Variants in HMGCLL1 observed in about 807,000 individuals in gnomAD.
HMGCLL1 encodes the protein 3-hydroxymethyl-3-methylglutaryl-CoA lyase, cytoplasmic.
A neutral mutation model predicts 39.1 loss-of-function variants in HMGCLL1; 36 were observed. The observed-to-expected ratio is 0.92, with a 90% CI of 0.71 to 1.22. The LOEUF (loss-of-function observed/expected upper bound fraction) is 1.22. Among genes scored for constraint, HMGCLL1 ranks in the 50% most tolerant of loss-of-function variants. HMGCLL1 has a pLI of 0.00. For missense variants in HMGCLL1, 451 were observed against 416.5 expected, an observed-to-expected ratio of 1.08 and a Z score of -0.72; for synonymous variants, 149 against 144.0, an observed-to-expected ratio of 1.03 and a Z score of -0.25.
At chr6:55,471,686 T>A (rs1320390180) in intron 7 of HMGCLL1, among the ~76,000 whole-genome samples, 1 of 151,664 alleles carries the variant, frequency 6.6e-6, no homozygotes, top group Admixed American at 6.6e-5. Context: ...TTTTTTCTTT[T>A]TTTAAAATAA....
the HMGCLL1 span, among the ~76,000 whole-genome samples, chr6:55,650,100 T>TATATATACACACACATATAC: frequency 3.0e-5 from 1 of 33,180 alleles, no homozygotes; most frequent in African/African-American, 1.9e-4. Flanking sequence ...CATATATATA[T>TATATATACACACACATATAC]ATATATATAT....
At chr6:55,526,774 TC>T (rs1293363977) in intron 3 of HMGCLL1, among the ~76,000 whole-genome samples, 1 of 152,028 alleles carries the variant, frequency 6.6e-6, no homozygotes, top group African/African-American at 2.4e-5. Context: ...AATAAGAGAC[TC>T]CTTTCTAAAT....
the HMGCLL1 span, among the ~76,000 whole-genome samples, chr6:55,612,921 A>G: frequency 6.6e-6 from 1 of 152,204 alleles, no homozygotes; most frequent in Admixed American, 6.5e-5. Flanking sequence ...CACAAAAAGC[A>G]TATGTAACAA....
chr6:55,551,935 C>A (rs1015613384), intron 1 of HMGCLL1, among the ~76,000 whole-genome samples: 1 of 151,972 alleles, frequency 6.6e-6, no homozygotes, highest in Admixed American at 6.6e-5. Context: ...TATATTCATT[C>A]ACCTATTGTC....
chr6:55,582,232 A>G (rs1338500640), upstream of HMGCLL1, among the ~76,000 whole-genome samples: 1 of 152,168 alleles, frequency 6.6e-6, no homozygotes, highest in Non-Finnish European at 1.5e-5. Flanking sequence ...GGTGACAATA[A>G]CAGTTCTTAC....
chr6:55,663,331 A>G, the HMGCLL1 span, among the ~76,000 whole-genome samples: 11 of 149,984 alleles, frequency 7.3e-5, no homozygotes, highest in Non-Finnish European at 1.7e-4. Context: ...AGTGCTATAA[A>G]TTTCCCTCTT....
At chr6:55,556,372 A>C (rs1300621269) in intron 1 of HMGCLL1, among the ~76,000 whole-genome samples, 1 of 152,188 alleles carries the variant, frequency 6.6e-6, no homozygotes, top group African/African-American at 2.4e-5. Context: ...AAAGCTATAC[A>C]GACATCCTGA....
At chr6:55,477,145 T>C (rs1765337378) in intron 7 of HMGCLL1, among the ~76,000 whole-genome samples, 1 of 66,084 alleles carries the variant, frequency 1.5e-5, no homozygotes, top group Non-Finnish European at 2.7e-5. Context: ...ATAGATATAA[T>C]ATATATATTA....
intron 1 of HMGCLL1, among the ~76,000 whole-genome samples, chr6:55,550,566 A>G (rs1770273821): frequency 6.6e-6 from 1 of 151,990 alleles, no homozygotes; most frequent in Non-Finnish European, 1.5e-5. Context: ...GACTGTTCCC[A>G]GGGAACCAGA....
intron 7 of HMGCLL1, among the ~76,000 whole-genome samples, chr6:55,474,183 C>T (rs1052786217): frequency 6.6e-6 from 1 of 151,476 alleles, no homozygotes; most frequent in Admixed American, 6.6e-5. Context: ...ACGATTATTG[C>T]TTCAAATATT....
At chr6:55,531,801 G>A (rs1339320872) in intron 3 of HMGCLL1, among the ~76,000 whole-genome samples, 1 of 152,226 alleles carries the variant, frequency 6.6e-6, no homozygotes, top group East Asian at 1.9e-4. Flanking sequence ...AGGGATCTAG[G>A]TTGTTCACTC....
chr6:55,460,810 T>C (rs954450489), intron 7 of HMGCLL1, among the ~76,000 whole-genome samples: 2 of 152,114 alleles, frequency 1.3e-5, no homozygotes, highest in South Asian at 2.1e-4. Flanking sequence ...GTTATGCAAC[T>C]TTTTTGGTGT....
At chr6:55,628,889 G>A in the HMGCLL1 span, among the ~76,000 whole-genome samples, 1 of 152,108 alleles carries the variant, frequency 6.6e-6, no homozygotes, top group African/African-American at 2.4e-5. Context: ...CACCATGATT[G>A]TGTGGCCTCC....
rs1765153157 is a variant in HMGCLL1, at chr6:55,473,735, A to G, written c.795+21684T>C. ...GTAGAACTAATTTTCTGATATATAC[A>G]TACATAAGTATCCTTCTTTGTGAAG... On this transcript the variant is annotated intron_variant, in intron 7 of 8. Coordinates refer to ENST00000274901, the MANE Select transcript of HMGCLL1 (RefSeq NM_001042406.2). Among the ~76,000 whole-genome samples the G allele has an allele frequency of 2.6e-5, 4 of 151,368 alleles. No homozygotes were observed. In the South Asian group the frequency reaches 6.2e-4, roughly 24 times the overall value.
At chr6:55,502,198 T>A (rs1345642690) in intron 5 of HMGCLL1, among the ~76,000 whole-genome samples, 1 of 151,786 alleles carries the variant, frequency 6.6e-6, no homozygotes, top group African/African-American at 2.4e-5. Context: ...TATCTTGGCA[T>A]ATTGAATATA....
At chr6:55,560,856 T>C (rs1306557643) in intron 1 of HMGCLL1, among the ~76,000 whole-genome samples, 3 of 152,172 alleles carry the variant, frequency 2.0e-5, no homozygotes, top group African/African-American at 7.2e-5. Context: ...GAAAAAAATT[T>C]GCACACTTCT....
intron 4 of HMGCLL1, among the ~76,000 whole-genome samples, chr6:55,514,560 T>C (rs946889668): frequency 1.3e-5 from 2 of 152,168 alleles, no homozygotes; most frequent in Non-Finnish European, 2.9e-5. Flanking sequence ...AAAAAATATT[T>C]CCAAACCAAT....
intron 7 of HMGCLL1, among the ~76,000 whole-genome samples, chr6:55,451,960 T>G (rs1435883475): frequency 2.0e-5 from 3 of 152,216 alleles, no homozygotes; most frequent in Non-Finnish European, 4.4e-5. Flanking sequence ...CATTCCATTA[T>G]ACCTTCAGCA....
intron 5 of HMGCLL1, among the ~76,000 whole-genome samples, chr6:55,504,864 G>A (rs1037125187): frequency 6.6e-6 from 1 of 151,510 alleles, no homozygotes; most frequent in African/African-American, 2.4e-5. Flanking sequence ...AAACAAATAG[G>A]TAAGGTTTAT....
Sources: allele counts gnomAD v4.1 joint callset (sites outside exome capture counted in the v4.1 genomes callset), GRCh38; gene constraint gnomAD v4.1.1; transcripts MANE v1.5; gene names NCBI Gene and HGNC (gene_info 2026-07-23, HGNC 2026-07-21).